The following HOXB6 variants were observed in gnomAD, a reference collection of about 807,000 sequenced individuals.
HOXB6 encodes homeobox B6.
In HOXB6, 18 loss-of-function variants were observed where a neutral mutation model predicts 24.2. That is an observed-to-expected ratio of 0.74 (90% CI 0.51 to 1.10). The LOEUF (loss-of-function observed/expected upper bound fraction) is 1.10, where lower values mean the gene tolerates loss of function less well. HOXB6 is among the 50% of genes least tolerant of loss of function. The probability of loss-of-function intolerance (pLI) is 0.00; values close to 1 mark genes in which losing one functional copy is unlikely to be tolerated. For missense variants in HOXB6, 332 were observed against 308.3 expected, an observed-to-expected ratio of 1.08 and a Z score of -0.58; for synonymous variants, 159 against 139.1, an observed-to-expected ratio of 1.14 and a Z score of -1.01.
rs925380752 is a variant in HOXB6 at position 48,604,532 on chromosome 17, G to GAGGA, written c.-135_-132dup. On this transcript the variant is annotated 5_prime_UTR_variant, in exon 2 of 4. Transcript: ENST00000225648. The stretch of plus-strand genomic sequence containing the variant: ...CTCCGGATTTAAAGGAATGGGTGGG[G>GAGGA]AGGAAGGAAGGAGTATTCAGTTTCT... The GAGGA allele has an allele frequency of 2.0e-5, 3 of 152,752 alleles. No homozygotes were observed. The highest frequency in any genetic ancestry group is 1.3e-4 in the Admixed American group (2 of 15,306). 9.5% of individuals were successfully genotyped at this position (152,752 alleles called of 1,614,324 possible). A position where few individuals can be genotyped will look rare whatever the true frequency, so the allele number is the denominator to read the frequency against.
chr17:48,598,244 C>T lies in HOXB6; in HGVS notation c.-78-16G>A. On this transcript the variant is annotated splice_polypyrimidine_tract_variant and intron_variant, in intron 2 of 3. Coordinates refer to ENST00000225648, the MANE Select transcript of HOXB6 (RefSeq NM_018952.5). The stretch of plus-strand genomic sequence containing the variant: ...AGCGCCGCGCCTATTAGTAGTATAT[C>T]CGAGATTGGGTTTTAGCTGAGGGGG... 2.2e-6 allele frequency: 3 copies of T among 1,339,438 alleles called. No homozygotes were observed. In the South Asian group the frequency reaches 4.6e-5, roughly 20 times the overall value. 83.0% of individuals were successfully genotyped at this position (1,339,438 alleles called of 1,614,324 possible).
At chr17:48,598,343 G>T (rs1232034657) in intron 2 of HOXB6, 115 bp from the exon 3 acceptor site, 2 of 579,368 alleles carry the variant, frequency 3.5e-6, no homozygotes, top group East Asian at 6.0e-5. Flanking sequence ...GCAGAGGCAG[G>T]AATTGTCAAA....
Position 48,596,253 on chromosome 17 carries a change from C to T in HOXB6, c.*160G>A. The stretch of plus-strand genomic sequence containing the variant: ...CTCAGAGCACCCGCCGGGAGCTGTG[C>T]GGGCGGGGGCGTCCAGGAGAGCGCT... On this transcript the variant is annotated 3_prime_UTR_variant, in exon 4 of 4. Transcript: ENST00000225648. The surrounding 1 kb of genome is among the most constrained non-coding windows in gnomAD (Gnocchi z 4.8). The T allele has an allele frequency of 9.0e-7, 1 of 1,108,122 alleles. No homozygotes were observed. The highest frequency in any genetic ancestry group is 1.4e-6 in the Non-Finnish European group (1 of 734,794). The allele number at this position is 1,108,122 out of a possible 1,614,324, so 68.6% of individuals were successfully genotyped here.
chr17:48,600,731 A>T (rs1011558938), intron 2 of HOXB6, among the ~76,000 whole-genome samples: 1 of 152,144 alleles, frequency 6.6e-6, no homozygotes, highest in African/African-American at 2.4e-5. Flanking sequence ...GCCATCCGCC[A>T]GTCTGGGGTG....
chr17:48,600,454 G>A (rs1481834269), intron 2 of HOXB6: 1 of 456,028 alleles, frequency 2.2e-6, no homozygotes, highest in African/African-American at 2.0e-5. Context: ...CAGGTTGCTT[G>A]TCTGGAGATG....
chr17:48,599,520 G>A (rs776483583), intron 2 of HOXB6, among the ~76,000 whole-genome samples: 1 of 152,190 alleles, frequency 6.6e-6, no homozygotes, highest in Non-Finnish European at 1.5e-5. Context: ...GCTGCTTCCA[G>A]CCATCAGCCA....
chr17:48,600,425 C>T (rs764231654), intron 2 of HOXB6: 14 of 454,702 alleles, frequency 3.1e-5, no homozygotes, highest in South Asian at 2.2e-4. Flanking sequence ...TCACAGCCCC[C>T]AAATTAACCT....
intron 2 of HOXB6, chr17:48,602,038 C>G (rs1208881977): frequency 4.4e-6 from 2 of 451,280 alleles, no homozygotes; most frequent in South Asian, 3.1e-5. Context: ...GATTTGGCCC[C>G]AGTCCCACTA....
rs2070311735 is a variant in HOXB6 at position 48,596,822 on chromosome 17, C to T, written c.416-150G>A. ...CCCCGTTTCGCACTCCTCCAGCGCC[C>T]CCTCCAGATTCCCTCCTAGTCTCCT... On this transcript the variant is annotated intron_variant, in intron 3 of 3. Coordinates refer to ENST00000225648, the MANE Select transcript of HOXB6 (RefSeq NM_018952.5). The surrounding 1 kb of genome is among the most constrained non-coding windows in gnomAD (Gnocchi z 4.8). 1 of 1,338,780 alleles carries T rather than the reference C, an allele frequency of 7.5e-7. No homozygotes were observed. 82.9% of individuals were successfully genotyped at this position (1,338,780 alleles called of 1,614,324 possible).
rs756215326 is a variant in HOXB6, at chr17:48,597,852, T to G, written c.299A>C (p.His100Pro). 8.1e-6 allele frequency: 13 copies of G among 1,596,994 alleles called. No homozygotes were observed. Among genetic ancestry groups the G allele is most frequent in the Non-Finnish European group, 1.1e-5 (13 of 1,171,110 alleles). The change falls in exon 3 of 4, where the codon CAC becomes CCC. Residue 100 changes from histidine to proline, a missense_variant. Physicochemically the swap from His to Pro is moderately conservative, Grantham distance 77 (BLOSUM62 -2). Transcript: ENST00000225648. The part of the protein sequence containing the change: ...LSGADEQPPF[H>P]PEPRKSDCAQ... ...GCAGTCCGACTTCCGCGGCTCGGGGTGGAACGGGGGCTGCTCGTCGGCGCC... is the reference window on the plus strand; with the variant it reads ...GCAGTCCGACTTCCGCGGCTCGGGGGGGAACGGGGGCTGCTCGTCGGCGCC...
intron 2 of HOXB6, among the ~76,000 whole-genome samples, chr17:48,599,014 G>T (rs148040105): frequency 8.6e-4 from 131 of 152,290 alleles, no homozygotes; most frequent in Admixed American, 6.7e-3. Flanking sequence ...GGAAGGCGGC[G>T]ACGAGGGTGG....
intron 3 of HOXB6, 85 bp downstream of exon 3, chr17:48,597,651 T>C (rs2070340407): frequency 7.0e-7 from 1 of 1,419,964 alleles, no homozygotes; most frequent in African/African-American, 1.4e-5. Flanking sequence ...TGTGGGAGAT[T>C]GGGGCAGGGG....
chr17:48,596,414 C>T lies in HOXB6; in HGVS notation c.674G>A (p.Ter225=). Residue 225 remains the stop codon, a stop_retained_variant, in exon 4 of 4, where the codon TGA becomes TAA. Coordinates refer to ENST00000225648, the MANE Select transcript of HOXB6 (RefSeq NM_018952.5). This position sits in a 1 kb window ranked among gnomAD's most constrained non-coding sequence, Gnocchi z 4.8. ...AEEEEEKQAE[*] The stretch of plus-strand genomic sequence containing the variant: ...GTCCTCCCTCCCTTTCCAGCACCTT[C>T]ACTCGGCCTGTTTTTCTTCCTCCTC... 6.2e-7 allele frequency: 1 copy of T among 1,614,222 alleles called. No individual in the cohort carries two copies. Among genetic ancestry groups the T allele is most frequent in the Non-Finnish European group, 8.5e-7 (1 of 1,180,038 alleles).
intron 2 of HOXB6, among the ~76,000 whole-genome samples, chr17:48,598,691 C>G (rs556588785): frequency 3.7e-4 from 56 of 152,302 alleles, no homozygotes; most frequent in Middle Eastern, 3.4e-3. Flanking sequence ...GTCTCCGAAT[C>G]GCCTTGAGAG....
rs151303544 is a variant in HOXB6 at position 48,596,330 on chromosome 17, G to C, written c.*83C>G. 5.2e-4 allele frequency: 833 copies of C among 1,602,282 alleles called. 5 individuals carry two copies. The African/African-American group carries it at 1.0e-2, about 19-fold the overall frequency. ...CAGGTCTCCTGGCTCCCCCACCCGA[G>C]AGCCTTCCTTCCCGGGTCTCTCTGA... On this transcript the variant is annotated 3_prime_UTR_variant, in exon 4 of 4. Transcript: ENST00000225648. This position sits in a 1 kb window ranked among gnomAD's most constrained non-coding sequence, Gnocchi z 4.8.
rs551056375 is a variant in HOXB6 at position 48,598,078 on chromosome 17, G to A, written c.73C>T (p.Leu25=). The A allele has an allele frequency of 6.2e-7, 1 of 1,605,556 alleles. No individual in the cohort carries two copies. Among genetic ancestry groups the A allele is most frequent in the East Asian group, 2.2e-5 (1 of 44,558 alleles). ...ASGQESFLGQ[L]PLYSSGYADP... is the part of the protein sequence containing the mutation. Reference sequence around the variant, plus strand: ...GCATAGCCCGACGAATAGAGCGGTAGCTGGCCCAGGAAGGACTCCTGCCCG... The same window carrying A: ...GCATAGCCCGACGAATAGAGCGGTAACTGGCCCAGGAAGGACTCCTGCCCG... The change falls in exon 3 of 4, where the codon CTA becomes TTA. Residue 25 remains leucine, a synonymous_variant. Coordinates refer to ENST00000225648, the MANE Select transcript of HOXB6 (RefSeq NM_018952.5).
At chr17:48,602,790 G>T (rs2070500881) in intron 2 of HOXB6, among the ~76,000 whole-genome samples, 1 of 152,244 alleles carries the variant, frequency 6.6e-6, no homozygotes, top group Non-Finnish European at 1.5e-5. Flanking sequence ...TTGGGTCACA[G>T]CGAACTGTCT....
chr17:48,600,391 G>A (rs1328937086), intron 2 of HOXB6: 6 of 448,306 alleles, frequency 1.3e-5, no homozygotes, highest in African/African-American at 1.0e-4. Context: ...CAGAAGCAGG[G>A]AAATAATTGC....
intron 2 of HOXB6, 112 bp from the exon 3 acceptor site, chr17:48,598,340 C>A: frequency 1.7e-6 from 1 of 578,896 alleles, no homozygotes. Flanking sequence ...ATGGCAGAGG[C>A]AGGAATTGTC....
Sources: gnomAD v4.1 joint callset for allele counts (sites outside exome capture counted in the v4.1 genomes callset) on GRCh38, gnomAD v4.1.1 for gene constraint, Gnocchi (gnomAD v3.1) non-coding constraint, MANE v1.5 for transcripts, NCBI Gene and HGNC (gene_info 2026-07-23, HGNC 2026-07-21) for gene names.